The following ZNF304 variants were observed in gnomAD, a reference collection of about 807,000 sequenced individuals.
ZNF304 encodes KRAB-containing zinc finger protein.
ZNF304 carries 7 observed loss-of-function variants against 7.8 expected under a neutral mutation model. The observed-to-expected ratio is 0.90, with a 90% CI of 0.51 to 1.69. ZNF304 has a LOEUF of 1.69. ZNF304 is among the 40% of genes most tolerant of loss of function. The pLI, the probability that ZNF304 is intolerant of heterozygous loss-of-function variation, is 0.00. For missense variants in ZNF304, 669 were observed against 804.8 expected, an observed-to-expected ratio of 0.83 and a Z score of 2.04; for synonymous variants, 280 against 272.4, an observed-to-expected ratio of 1.03 and a Z score of -0.27.
At chr19:57,353,676 T>C (rs775927819) in intron 1 of ZNF304, 49 bp from the exon 2 acceptor site, 8 of 1,557,370 alleles carry the variant, frequency 5.1e-6, no homozygotes, top group Non-Finnish European at 7.0e-6. Context: ...GAGGAGGGGG[T>C]TCTGGGGAGA....
In ZNF304 at chr19:57,351,762, A is replaced by T; in HGVS notation, c.33+65A>T. On this transcript the variant is annotated intron_variant, in intron 1 of 2. Coordinates refer to ENST00000282286, the MANE Select transcript of ZNF304 (RefSeq NM_020657.4). This position sits in a 1 kb window ranked among gnomAD's most constrained non-coding sequence, Gnocchi z 4.1. ...GGTGTGTCCTGGGATGTTCGCTCTC[A>T]TCGCGCACTTCAGGGTGCTCACTCC... is the stretch of plus-strand genomic sequence containing the variant. 1 of 1,537,628 alleles carries T rather than the reference A, an allele frequency of 6.5e-7. No individual in the cohort carries two copies. The highest frequency in any genetic ancestry group is 8.8e-7 in the Non-Finnish European group (1 of 1,132,294).
intron 1 of ZNF304, chr19:57,352,063 A>G (rs1217372338): frequency 4.0e-6 from 1 of 247,102 alleles, no homozygotes; most frequent in Non-Finnish European, 7.8e-6. Context: ...CAGTTCTTAA[A>G]AGGCTCCCTC....
At chr19:57,353,661 C>G in intron 1 of ZNF304, 64 bp from the exon 2 acceptor site, 1 of 1,540,792 alleles carries the variant, frequency 6.5e-7, no homozygotes, top group South Asian at 1.3e-5. Flanking sequence ...AGTGTGTAGA[C>G]TGGGGAGGAG....
intron 2 of ZNF304, 90 bp from the exon 3 acceptor site, chr19:57,355,940 C>A: frequency 7.1e-7 from 1 of 1,409,780 alleles, no homozygotes; most frequent in Non-Finnish European, 9.7e-7. Flanking sequence ...AGCCAGTGGA[C>A]TCGCACTGGT....
rs1371884003 is a variant in ZNF304, at chr19:57,351,443, CCT to C, written c.-218_-217del. On this transcript the variant is annotated 5_prime_UTR_variant, in exon 1 of 3. The change abolishes the stop of an existing upstream ORF in the 5' untranslated region. Transcript: ENST00000282286. The surrounding 1 kb of genome is among the most constrained non-coding windows in gnomAD (Gnocchi z 4.1). ...ATGACCCCTGTCGTGGGACGGGCGG[CCT>C]CTCGCGGAGGTGTCTGCCGGGGCTG... 3.4e-6 allele frequency: 2 copies of C among 588,080 alleles called. No homozygotes were observed. The highest frequency in any genetic ancestry group is 6.0e-6 in the Non-Finnish European group (2 of 331,228). 36.4% of individuals were successfully genotyped at this position (588,080 alleles called of 1,614,324 possible).
Position 57,356,051 on chromosome 19 carries a change from A to G in ZNF304, c.182A>G (p.His61Arg), listed in dbSNP as rs370890038. 9 of 1,608,658 alleles carry G rather than the reference A, an allele frequency of 5.6e-6. No homozygotes were observed. The Admixed American group carries it at 8.4e-5, about 15-fold the overall frequency. Residue 61 changes from histidine to arginine, a missense_variant, in exon 3 of 3, where the codon CAT becomes CGT. Physicochemically the swap from His to Arg is conservative, Grantham distance 29. Transcript: ENST00000282286. Reference sequence around the variant, plus strand: ...TCAGGTTTTTGGTGTGAAGCAGAACATGAGGCACCTTCTGAGCAGAGCGTT... The same window carrying G: ...TCAGGTTTTTGGTGTGAAGCAGAACGTGAGGCACCTTCTGAGCAGAGCGTT... ...ATLGFWCEAE[H>R]EAPSEQSVSV... is the part of the protein sequence containing the mutation.
In ZNF304 at chr19:57,357,405, C is replaced by A. The variant is rs771294427; in HGVS notation, c.1536C>A (p.Phe512Leu). Residue 512 changes from phenylalanine to leucine, a missense_variant, in exon 3 of 3, where the codon TTC becomes TTA. Transcript: ENST00000282286. The stretch of plus-strand genomic sequence containing the variant: ...AGTGTGGTGAATGTGGTAAATTCTT[C>A]AGCCATAGCTCCAACCTTATTGTAC... Reference protein sequence around the residue: ...PYECGECGKFFSHSSNLIVHQ... With the variant: ...PYECGECGKFLSHSSNLIVHQ... The A allele has an allele frequency of 7.4e-6, 12 of 1,613,858 alleles. No individual in the cohort carries two copies. The highest frequency in any genetic ancestry group is 1.0e-5 in the Non-Finnish European group (12 of 1,179,988).
Position 57,353,815 on chromosome 19 carries a change from G to GTGAT in ZNF304, c.125_128dup (p.Met43IlefsTer17), listed in dbSNP as rs749040533. 1.2e-6 allele frequency: 2 copies of GTGAT among 1,612,424 alleles called. No individual in the cohort carries two copies. The highest frequency in any genetic ancestry group is 2.2e-5 in the South Asian group (2 of 90,884). On this transcript the variant is annotated frameshift_variant, in exon 2 of 3. Transcript: ENST00000282286. LOFTEE classifies it low-confidence loss of function (END_TRUNC). ...GGCACAGAGATTCCTGTACCGTGAT[G>GTGAT]TGATGCTGGAGAACTTTGCACTTGT...
At position 57,356,223 on chromosome 19, in the gene ZNF304, A is replaced by C. The variant is rs1345545895; in HGVS notation, c.354A>C (p.Thr118=). 10 of 1,614,100 alleles carry C rather than the reference A, an allele frequency of 6.2e-6. No individual in the cohort carries two copies. The highest frequency in any genetic ancestry group is 2.7e-5 in the African/African-American group (2 of 74,924). The part of the protein sequence containing the change: ...QGSHLTQKLC[T]RGLCRRRFSF... ...CACACCTTACACAGAAACTGTGCAC[A>C]CGTGGGCTGTGTAGGAGAAGATTCT... Residue 118 remains threonine, a synonymous_variant, in exon 3 of 3, where the codon ACA becomes ACC. Coordinates refer to ENST00000282286, the MANE Select transcript of ZNF304 (RefSeq NM_020657.4).
At chr19:57,355,338 G>C in intron 2 of ZNF304, 1 of 765,328 alleles carries the variant, frequency 1.3e-6, no homozygotes, top group South Asian at 1.3e-5. Flanking sequence ...TGCCTGACAG[G>C]GCAGACATCA....
At chr19:57,354,401 A>G (rs1366320701) in intron 2 of ZNF304, among the ~76,000 whole-genome samples, 2 of 152,218 alleles carry the variant, frequency 1.3e-5, no homozygotes, top group Admixed American at 6.5e-5. Context: ...GAATCCACTT[A>G]CAAGCTCACT....
chr19:57,356,203 C>G lies in ZNF304; in HGVS notation c.334C>G (p.Leu112Val). 6.2e-7 allele frequency: 1 copy of G among 1,614,206 alleles called. No homozygotes were observed. The highest frequency in any genetic ancestry group is 8.5e-7 in the Non-Finnish European group (1 of 1,180,042). Residue 112 changes from leucine (L) to valine (V), a missense_variant, in exon 3 of 3, where the codon CTT becomes GTT. Transcript: ENST00000282286. Reference sequence around the variant, plus strand: ...CCTGGCTGAACACCAGGGATCACACCTTACACAGAAACTGTGCACACGTGG... The same window carrying G: ...CCTGGCTGAACACCAGGGATCACACGTTACACAGAAACTGTGCACACGTGG... ...LHLAEHQGSH[L>V]TQKLCTRGLC...
chr19:57,359,515 G>A lies in ZNF304; in HGVS notation c.*1666G>A, dbSNP rs138405920. On this transcript the variant is annotated 3_prime_UTR_variant, in exon 3 of 3. Transcript: ENST00000282286. ...TGTAAAATGTGCTGTTTCAGCATGT[G>A]TGTACACCTATGAAACCACCACAGT... 1.3e-5 allele frequency: 2 copies of A among 152,324 alleles called. No homozygotes were observed. Among genetic ancestry groups the A allele is most frequent in the East Asian group, 1.9e-4 (1 of 5,190 alleles). The allele number at this position is 152,324 out of a possible 1,614,324, so 9.4% of individuals were successfully genotyped here. A position where few individuals can be genotyped will look rare whatever the true frequency, so the allele number is the denominator to read the frequency against.
chr19:57,353,226 G>A (rs185164545), intron 1 of ZNF304, among the ~76,000 whole-genome samples: 2 of 152,354 alleles, frequency 1.3e-5, no homozygotes, highest in East Asian at 3.9e-4. Context: ...TGCTTGCAGA[G>A]TGGCATGGGG....
chr19:57,355,782 C>T (rs1446374004), intron 2 of ZNF304, among the ~76,000 whole-genome samples: 1 of 152,210 alleles, frequency 6.6e-6, no homozygotes, highest in Non-Finnish European at 1.5e-5. Context: ...GCAGAGGAAT[C>T]AGGTAGAGGC....
At position 57,356,734 on chromosome 19, in the gene ZNF304, A is replaced by G. The variant is rs1469086136; in HGVS notation, c.865A>G (p.Ile289Val). Residue 289 changes from isoleucine (I) to valine (V), a missense_variant, in exon 3 of 3, where the codon ATT becomes GTT. Coordinates refer to ENST00000282286, the MANE Select transcript of ZNF304 (RefSeq NM_020657.4). Reference sequence around the variant, plus strand: ...GTGTAAGGAGTGTGGAAAAGCCTTCATTCACTTGCACCACCTAAAAATGCA... The same window carrying G: ...GTGTAAGGAGTGTGGAAAAGCCTTCGTTCACTTGCACCACCTAAAAATGCA... Reference protein sequence around the residue: ...HVCKECGKAFIHLHHLKMHQK... With the variant: ...HVCKECGKAFVHLHHLKMHQK... 1.2e-6 allele frequency: 2 copies of G among 1,614,260 alleles called. No individual in the cohort carries two copies. The highest frequency in any genetic ancestry group is 1.7e-5 in the Admixed American group (1 of 60,034).
At position 57,357,568 on chromosome 19, in the gene ZNF304, G is replaced by T; in HGVS notation, c.1699G>T (p.Ala567Ser). The T allele has an allele frequency of 6.2e-7, 1 of 1,613,788 alleles. No homozygotes were observed. The highest frequency in any genetic ancestry group is 1.1e-5 in the South Asian group (1 of 91,060). Residue 567 changes from alanine (A) to serine (S), a missense_variant, in exon 3 of 3, where the codon GCT becomes TCT. Transcript: ENST00000282286. Reference sequence around the variant, plus strand: ...TTATGTGTGCAGTGAATGTGGGAAGGCTTACATTAGTAGCTCCCACCTTGT... The same window carrying T: ...TTATGTGTGCAGTGAATGTGGGAAGTCTTACATTAGTAGCTCCCACCTTGT... Reference protein sequence around the residue: ...RPYVCSECGKAYISSSHLVQH... With the variant: ...RPYVCSECGKSYISSSHLVQH...
At chr19:57,354,875 G>C (rs2088316248) in intron 2 of ZNF304, among the ~76,000 whole-genome samples, 1 of 152,196 alleles carries the variant, frequency 6.6e-6, no homozygotes, top group Admixed American at 6.5e-5. Context: ...GTTTCCCAGA[G>C]TAGGTGCTGT....
Position 57,356,073 on chromosome 19 carries a change from C to G in ZNF304, c.204C>G (p.Ser68Arg), listed in dbSNP as rs371500595. The change falls in exon 3 of 3, where the codon AGC (serine) becomes AGG (arginine). Residue 68 changes from serine (S) to arginine (R), a missense_variant. Physicochemically the swap from Ser to Arg is moderately radical, Grantham distance 110 (BLOSUM62 -1). Transcript: ENST00000282286. ...EAEHEAPSEQ[S>R]VSVEGVSQVR... ...AACATGAGGCACCTTCTGAGCAGAG[C>G]GTTTCTGTAGAAGGAGTGTCACAGG... The G allele has an allele frequency of 6.2e-7, 1 of 1,613,826 alleles. No homozygotes were observed. The highest frequency in any genetic ancestry group is 1.3e-5 in the African/African-American group (1 of 74,922).
Sources: gnomAD v4.1 joint callset for allele counts (sites outside exome capture counted in the v4.1 genomes callset) on GRCh38, gnomAD v4.1.1 for gene constraint, Gnocchi (gnomAD v3.1) non-coding constraint, MANE v1.5 for transcripts, NCBI Gene and HGNC (gene_info 2026-07-23, HGNC 2026-07-21) for gene names.